The following CLIC5 variants were observed in gnomAD, a reference collection of about 807,000 sequenced individuals.
The protein encoded by CLIC5 is chloride intracellular channel protein 5.
In CLIC5, 20 loss-of-function variants were observed where a neutral mutation model predicts 24.7. The ratio of observed to expected loss-of-function variants is 0.81; its 90% CI spans 0.57 to 1.18. The LOEUF (loss-of-function observed/expected upper bound fraction) is 1.18. Ranked by LOEUF, CLIC5 falls within the 50% of genes most tolerant of loss-of-function variation. CLIC5 has a pLI of 0.00. For synonymous variants in CLIC5, 159 were observed against 135.6 expected (o/e 1.17, Z -1.20); for missense variants, 341 against 326.1 (o/e 1.05, Z -0.35).
At chr6:46,128,897 A>G in the CLIC5 span, among the ~76,000 whole-genome samples, 1 of 152,224 alleles carries the variant, frequency 6.6e-6, no homozygotes, top group African/African-American at 2.4e-5. Context: ...GAATACATCT[A>G]TTGCCAAATC....
At chr6:46,085,417 G>A in the CLIC5 span, among the ~76,000 whole-genome samples, 1 of 152,086 alleles carries the variant, frequency 6.6e-6, no homozygotes, top group Non-Finnish European at 1.5e-5. Context: ...ATCTACTTTT[G>A]GTCTTTGATG....
intron 1 of CLIC5, among the ~76,000 whole-genome samples, chr6:45,990,816 G>T (rs1055689124): frequency 6.6e-6 from 1 of 152,206 alleles, no homozygotes; most frequent in Non-Finnish European, 1.5e-5. Flanking sequence ...TGGCACACAG[G>T]TTGTTGTTTG....
Position 45,927,753 on chromosome 6 carries a change from G to A in CLIC5, c.407-13344C>T, listed in dbSNP as rs529431739. On this transcript the variant is annotated intron_variant, in intron 4 of 5. Coordinates refer to ENST00000339561, the MANE Select transcript of CLIC5 (RefSeq NM_016929.5). ...CATCTCTAAAAGTTTACTGTCCTTT[G>A]ATGAGGATGCTGTGAAACTAGAATT... is the stretch of plus-strand genomic sequence containing the variant. Among the ~76,000 whole-genome samples the A allele has an allele frequency of 2.6e-5, 4 of 152,220 alleles. No homozygotes were observed. In the South Asian group the frequency reaches 8.3e-4, roughly 32 times the overall value.
intron 1 of CLIC5, among the ~76,000 whole-genome samples, chr6:46,074,114 A>T (rs1202774067): frequency 6.6e-6 from 1 of 152,218 alleles, no homozygotes; most frequent in Non-Finnish European, 1.5e-5. Flanking sequence ...ATCCCTATCA[A>T]TATAAAACAT....
At chr6:46,037,866 A>G (rs1767704192) in intron 1 of CLIC5, among the ~76,000 whole-genome samples, 1 of 152,198 alleles carries the variant, frequency 6.6e-6, no homozygotes, top group African/African-American at 2.4e-5. Flanking sequence ...AAGGATTGGT[A>G]TTTGGTTACA....
At chr6:46,006,969 G>A (rs1766609408) in intron 1 of CLIC5, among the ~76,000 whole-genome samples, 1 of 152,092 alleles carries the variant, frequency 6.6e-6, no homozygotes, top group African/African-American at 2.4e-5. Context: ...ACCATGCCCA[G>A]CCCCAAAAGA....
At chr6:46,022,738 C>T (rs1343983839) in intron 1 of CLIC5, among the ~76,000 whole-genome samples, 1 of 152,212 alleles carries the variant, frequency 6.6e-6, no homozygotes, top group Non-Finnish European at 1.5e-5. Flanking sequence ...AAAACCATCA[C>T]TCATCCCACT....
rs149138051 is a variant in CLIC5, at chr6:45,937,228, G to A, written c.406+4319C>T. ...GCTAACTGAGGGGGAAGCAAGAGCT[G>A]AAGCAGCAGTTTCTGATGTCATTAT... On this transcript the variant is annotated intron_variant, in intron 4 of 5. Coordinates refer to ENST00000339561, the MANE Select transcript of CLIC5 (RefSeq NM_016929.5). Among the ~76,000 whole-genome samples the A allele has an allele frequency of 2.6e-5, 4 of 152,312 alleles. No individual in the cohort carries two copies. The East Asian group carries it at 7.7e-4, about 29-fold the overall frequency.
chr6:45,913,327 C>T (rs1006776105), intron 5 of CLIC5, among the ~76,000 whole-genome samples: 8 of 152,142 alleles, frequency 5.3e-5, no homozygotes, highest in African/African-American at 1.9e-4. Context: ...AAGAAGTGCT[C>T]ATTGACAGAG....
chr6:46,057,175 C>A (rs1768282426), intron 1 of CLIC5, among the ~76,000 whole-genome samples: 1 of 152,222 alleles, frequency 6.6e-6, no homozygotes, highest in South Asian at 2.1e-4. Context: ...TGTGTCCTCA[C>A]ACAAATCTCA....
At chr6:45,892,793 T>C (rs2127284497) in intron 6 of CLIC5, among the ~76,000 whole-genome samples, 1 of 152,348 alleles carries the variant, frequency 6.6e-6, no homozygotes, top group Non-Finnish European at 1.5e-5. Flanking sequence ...TGCCTTTCCA[T>C]ATTCTTTCCA....
intron 4 of CLIC5, among the ~76,000 whole-genome samples, chr6:45,937,826 G>C (rs1276104337): frequency 6.6e-6 from 1 of 152,186 alleles, no homozygotes; most frequent in Non-Finnish European, 1.5e-5. Flanking sequence ...GACTTACAAG[G>C]CTTTGGGGAA....
At chr6:46,046,720 G>A (rs111660030) in intron 1 of CLIC5, among the ~76,000 whole-genome samples, 34 of 152,330 alleles carry the variant, frequency 2.2e-4, no homozygotes, top group African/African-American at 7.0e-4. Context: ...ATAGAAGCCT[G>A]TGTCAGCGAA....
At chr6:46,059,881 G>A (rs538902135) in intron 1 of CLIC5, among the ~76,000 whole-genome samples, 2 of 152,272 alleles carry the variant, frequency 1.3e-5, no homozygotes, top group South Asian at 2.1e-4. Flanking sequence ...CTCAATAAAT[G>A]TTTGGTCAGA....
intron 4 of CLIC5, among the ~76,000 whole-genome samples, chr6:45,930,354 T>C (rs1338021693): frequency 6.6e-6 from 1 of 151,944 alleles, no homozygotes; most frequent in Non-Finnish European, 1.5e-5. Context: ...AAAGAAGCAT[T>C]TGGGGGTAGT....
intron 5 of CLIC5, among the ~76,000 whole-genome samples, chr6:45,909,762 G>A (rs1421369108): frequency 6.6e-6 from 1 of 152,132 alleles, no homozygotes; most frequent in Non-Finnish European, 1.5e-5. Context: ...CCTTGGTGAA[G>A]TTCATTTTGT....
the CLIC5 span, among the ~76,000 whole-genome samples, chr6:46,093,717 G>T: frequency 6.6e-6 from 1 of 152,130 alleles, no homozygotes; most frequent in Non-Finnish European, 1.5e-5. Flanking sequence ...AGATCTAGCA[G>T]ATTTTGTTTT....
At chr6:46,046,967 T>A (rs1258320658) in intron 1 of CLIC5, among the ~76,000 whole-genome samples, 1 of 152,230 alleles carries the variant, frequency 6.6e-6, no homozygotes, top group Non-Finnish European at 1.5e-5. Flanking sequence ...GTCATAATCA[T>A]AAAACTCAAA....
intron 1 of CLIC5, among the ~76,000 whole-genome samples, chr6:45,971,794 C>T (rs1038779044): frequency 2.0e-5 from 3 of 152,062 alleles, no homozygotes; most frequent in Admixed American, 1.3e-4. Context: ...TAAAGTCAAC[C>T]TTAGATGCAA....
Sources: gnomAD v4.1 joint callset for allele counts (sites outside exome capture counted in the v4.1 genomes callset) on GRCh38, gnomAD v4.1.1 for gene constraint, MANE v1.5 for transcripts, NCBI Gene and HGNC (gene_info 2026-07-23, HGNC 2026-07-21) for gene names.